The following SDK1 variants were observed in gnomAD, a reference collection of about 807,000 sequenced individuals.
The protein encoded by SDK1 is protein sidekick-1.
A neutral mutation model predicts 245.5 loss-of-function variants in SDK1; 157 were observed. The observed-to-expected ratio is 0.64, with a 90% CI of 0.56 to 0.73. The LOEUF (loss-of-function observed/expected upper bound fraction) is 0.73. SDK1 is among the 30% of genes least tolerant of loss of function. The pLI is 0.00. For missense variants in SDK1, 3,583 were observed against 3,002.3 expected (o/e 1.19, Z -4.52); for synonymous variants, 1,647 against 1,278.5 (o/e 1.29, Z -6.15).
chr7:3,587,962 T>G (rs577460711), intron 1 of SDK1, among the ~76,000 whole-genome samples: 2 of 152,262 alleles, frequency 1.3e-5, no homozygotes, highest in African/African-American at 4.8e-5. Context: ...AATAGACTTA[T>G]GTCTATGCCA....
At chr7:3,832,068 TAATC>T (rs1779926467) in intron 5 of SDK1, among the ~76,000 whole-genome samples, 1 of 152,012 alleles carries the variant, frequency 6.6e-6, no homozygotes, top group Admixed American at 6.6e-5. Flanking sequence ...AATAATATAA[TAATC>T]ATAATAACCA....
chr7:4,265,291 C>T lies in SDK1; in HGVS notation c.6549C>T (p.His2183=). 6.3e-7 allele frequency: 1 copy of T among 1,583,412 alleles called. No individual in the cohort carries two copies. Residue 2183 remains histidine, a synonymous_variant, in exon 45 of 45, where the codon CAC becomes CAT. Transcript: ENST00000404826. ...GCTCCGAGGCGGGCGCGCAGCTGCA[C>T]CCGGTCATCACCACGCAGAGCGCGG... ...VAGSEAGAQL[H]PVITTQSAGG... is the part of the protein sequence containing the mutation.
At chr7:3,570,582 A>C (rs1780082947) in intron 1 of SDK1, among the ~76,000 whole-genome samples, 1 of 152,200 alleles carries the variant, frequency 6.6e-6, no homozygotes, top group African/African-American at 2.4e-5. Flanking sequence ...TCTTTCAAGA[A>C]AGTCTCCAAT....
At chr7:3,947,023 T>C (rs1289967568) in intron 5 of SDK1, among the ~76,000 whole-genome samples, 1 of 152,262 alleles carries the variant, frequency 6.6e-6, no homozygotes, top group Admixed American at 6.5e-5. Context: ...CGTTACCTAT[T>C]GACCTTCTGC....
rs1220684241 is a variant in SDK1, at chr7:3,651,899, G to A, written c.713+9794G>A. Among the ~76,000 whole-genome samples, 3 of 152,164 alleles carry A rather than the reference G, an allele frequency of 2.0e-5. No homozygotes were observed. In the East Asian group the frequency reaches 5.8e-4, roughly 29 times the overall value. ...TGGAACTGCTGCCATGGAGTTCCGT[G>A]TCAGCTAAGCCAACGATCCCAAGTC... On this transcript the variant is annotated intron_variant, in intron 4 of 44. Transcript: ENST00000404826.
At chr7:3,786,021 C>T (rs1203494652) in intron 4 of SDK1, among the ~76,000 whole-genome samples, 5 of 152,112 alleles carry the variant, frequency 3.3e-5, no homozygotes, top group African/African-American at 4.8e-5. Flanking sequence ...CAGTTGTGCT[C>T]GTGTAGGTAA....
intron 4 of SDK1, among the ~76,000 whole-genome samples, chr7:3,819,613 A>G (rs998948782): frequency 4.6e-5 from 7 of 152,100 alleles, no homozygotes; most frequent in Admixed American, 6.5e-5. Flanking sequence ...CTATGGTTCT[A>G]TAAAAGAATC....
intron 4 of SDK1, among the ~76,000 whole-genome samples, chr7:3,707,520 A>G (rs1174372426): frequency 2.0e-5 from 3 of 152,222 alleles, no homozygotes; most frequent in Non-Finnish European, 4.4e-5. Flanking sequence ...AAGAATGTGT[A>G]TCTGCAGTTC....
In SDK1 at chr7:4,178,543, G is replaced by A; in HGVS notation, c.5055G>A (p.Glu1685=). The A allele has an allele frequency of 6.2e-7, 1 of 1,613,748 alleles. No individual in the cohort carries two copies. Among genetic ancestry groups the A allele is most frequent in the East Asian group, 2.2e-5 (1 of 44,884 alleles). ...VIMTAYNIIG[E]SPASAPVEVF... ...TGACCGCCTATAACATCATCGGCGAGAGCCCAGCCAGCGCGCCCGTGGAGG... is the reference window on the plus strand; with the variant it reads ...TGACCGCCTATAACATCATCGGCGAAAGCCCAGCCAGCGCGCCCGTGGAGG... The change falls in exon 35 of 45, where the codon GAG becomes GAA. Residue 1685 remains glutamate, a synonymous_variant. Coordinates refer to ENST00000404826, the MANE Select transcript of SDK1 (RefSeq NM_152744.4).
chr7:3,609,561 C>T (rs1298046810), intron 1 of SDK1, among the ~76,000 whole-genome samples: 9 of 151,880 alleles, frequency 5.9e-5, no homozygotes, highest in African/African-American at 2.2e-4. Flanking sequence ...CCACCATACC[C>T]GGCTAATTTT....
intron 17 of SDK1, among the ~76,000 whole-genome samples, chr7:4,029,266 C>T: frequency 7.1e-6 from 1 of 141,838 alleles, no homozygotes; most frequent in Admixed American, 7.1e-5. Flanking sequence ...GGCTGGAGTG[C>T]AGTGGCACAA....
At chr7:3,867,778 C>CT (rs1277272860) in intron 5 of SDK1, among the ~76,000 whole-genome samples, 1 of 152,128 alleles carries the variant, frequency 6.6e-6, no homozygotes, top group African/African-American at 2.4e-5. Context: ...TATTTTCTGG[C>CT]TTTGGGGTAG....
chr7:4,026,816 C>G lies in SDK1; in HGVS notation c.2602+9464C>G, dbSNP rs527282205. ...AACAATCTGGAATTAACGATAACAC[C>G]CGGCACACAAACGGCAATATGTACA... is the stretch of plus-strand genomic sequence containing the variant. On this transcript the variant is annotated intron_variant, in intron 17 of 44. Coordinates refer to ENST00000404826, the MANE Select transcript of SDK1 (RefSeq NM_152744.4). The surrounding 1 kb of genome is among the most constrained non-coding windows in gnomAD (Gnocchi z 4.1). Among the ~76,000 whole-genome samples, 2 of 152,278 alleles carry G rather than the reference C, an allele frequency of 1.3e-5. No individual in the cohort carries two copies. The highest frequency in any genetic ancestry group is 3.9e-4 in the East Asian group (2 of 5,190).
intron 4 of SDK1, among the ~76,000 whole-genome samples, chr7:3,746,556 G>A (rs1779627303): frequency 6.6e-6 from 1 of 152,200 alleles, no homozygotes; most frequent in African/African-American, 2.4e-5. Context: ...TCAACTAAGA[G>A]TATGTAATGT....
intron 1 of SDK1, among the ~76,000 whole-genome samples, chr7:3,343,478 C>T (rs1382158570): frequency 6.6e-6 from 1 of 152,132 alleles, no homozygotes. Flanking sequence ...TTAGTGGCTT[C>T]CAGTGGCTAA....
At chr7:3,490,837 T>G (rs1282288032) in intron 1 of SDK1, among the ~76,000 whole-genome samples, 1 of 152,182 alleles carries the variant, frequency 6.6e-6, no homozygotes, top group Non-Finnish European at 1.5e-5. Context: ...GTATATACTC[T>G]CCCTTTTCTT....
At chr7:3,842,167 G>A (rs1412656232) in intron 5 of SDK1, among the ~76,000 whole-genome samples, 1 of 152,136 alleles carries the variant, frequency 6.6e-6, no homozygotes, top group East Asian at 1.9e-4. Context: ...TGAATCACCA[G>A]GGGTAATGGA....
intron 5 of SDK1, among the ~76,000 whole-genome samples, chr7:3,949,434 C>T (rs1383719354): frequency 2.0e-5 from 3 of 152,212 alleles, no homozygotes; most frequent in African/African-American, 7.2e-5. Flanking sequence ...TCCCGTTGTT[C>T]TCTCTCCGCG....
chr7:3,709,431 A>G (rs1784975926), intron 4 of SDK1, among the ~76,000 whole-genome samples: 1 of 152,128 alleles, frequency 6.6e-6, no homozygotes, highest in South Asian at 2.1e-4. Context: ...GTTCAGCACT[A>G]GGTAGGGTTA....
Sources: gnomAD v4.1 joint callset for allele counts (sites outside exome capture counted in the v4.1 genomes callset) on GRCh38, gnomAD v4.1.1 for gene constraint, Gnocchi (gnomAD v3.1) non-coding constraint, MANE v1.5 for transcripts, NCBI Gene and HGNC (gene_info 2026-07-23, HGNC 2026-07-21) for gene names.